The following SHTN1 variants were observed in gnomAD, a reference collection of about 807,000 sequenced individuals.
SHTN1 encodes the protein shootin 1, also known as shootin-1.
A neutral mutation model predicts 83.1 loss-of-function variants in SHTN1; 42 were observed. That is an observed-to-expected ratio of 0.51 (90% CI 0.39 to 0.65). The LOEUF is 0.65. SHTN1 is among the 30% of genes least tolerant of loss of function. The pLI, the probability that SHTN1 is intolerant of heterozygous loss-of-function variation, is 0.00. For synonymous variants in SHTN1, 224 were observed against 247.7 expected, an observed-to-expected ratio of 0.90 and a Z score of 0.90; for missense variants, 622 against 737.8, an observed-to-expected ratio of 0.84 and a Z score of 1.82.
intron 1 of SHTN1, among the ~76,000 whole-genome samples, chr10:117,097,351 A>T (rs976843619): frequency 2.6e-5 from 4 of 152,228 alleles, no homozygotes; most frequent in African/African-American, 9.6e-5. Flanking sequence ...TTTATAACTC[A>T]CAGTTTCTGA....
chr10:117,049,443 A>G (rs1589911308), intron 1 of SHTN1, among the ~76,000 whole-genome samples: 2 of 152,370 alleles, frequency 1.3e-5, no homozygotes, highest in Admixed American at 6.5e-5. Flanking sequence ...TAGAGTTTCT[A>G]TAACAAGGGA....
intron 1 of SHTN1, among the ~76,000 whole-genome samples, chr10:117,109,485 TGTTA>T (rs1254470563): frequency 2.6e-5 from 4 of 151,724 alleles, no homozygotes; most frequent in African/African-American, 9.7e-5. Context: ...GTTGGGAGAT[TGTTA>T]GTGATTTTTA....
At chr10:117,007,069 G>T (rs1447158207), upstream of SHTN1, among the ~76,000 whole-genome samples, 1 of 151,940 alleles carries the variant, frequency 6.6e-6, no homozygotes, top group Non-Finnish European at 1.5e-5. Flanking sequence ...TTTGATATGG[G>T]ATTGTATTAT....
At position 117,082,865 on chromosome 10, in the gene SHTN1, C is replaced by T. The variant is rs546217766; in HGVS notation, c.-188-34355G>A. Among the ~76,000 whole-genome samples, 14 of 151,328 alleles carry T rather than the reference C, an allele frequency of 9.3e-5. 1 individual carries two copies. In the South Asian group the frequency reaches 3.0e-3, roughly 32 times the overall value. On this transcript the variant is annotated intron_variant, in intron 1 of 17. Coordinates refer to the SHTN1 transcript ENST00000392901. ...CAGAGACTAGGATTGCAACCCCTGC[C>T]TTTTTTTGTTTTCCATTTGCTTGGT... is the stretch of plus-strand genomic sequence containing the variant.
intron 9 of SHTN1, among the ~76,000 whole-genome samples, chr10:116,937,347 G>C (rs1849211179): frequency 6.6e-6 from 1 of 152,190 alleles, no homozygotes; most frequent in Non-Finnish European, 1.5e-5. Flanking sequence ...ACTCTTAAAA[G>C]GCAGGGCTGG....
rs776916867 is a variant in SHTN1 at position 116,954,224 on chromosome 10, T to A, written c.268-14A>T. 2 of 1,546,174 alleles carry A rather than the reference T, an allele frequency of 1.3e-6. No homozygotes were observed. Among genetic ancestry groups the A allele is most frequent in the Non-Finnish European group, 1.8e-6 (2 of 1,139,644 alleles). ...TTCTTTATTTAGCTAAGACAAAATA[T>A]AAAAACAGTTATTTTAAAAGCAGCC... On this transcript the variant is annotated splice_polypyrimidine_tract_variant and intron_variant, in intron 4 of 16. Coordinates refer to ENST00000355371, the MANE Select transcript of SHTN1 (RefSeq NM_001127211.3).
intron 2 of SHTN1, among the ~76,000 whole-genome samples, chr10:117,048,091 A>G (rs1355977080): frequency 6.6e-6 from 1 of 152,160 alleles, no homozygotes; most frequent in African/African-American, 2.4e-5. Flanking sequence ...CGGTGAAAAG[A>G]GGGATCCATA....
chr10:117,090,943 T>G (rs1009400426), intron 1 of SHTN1, among the ~76,000 whole-genome samples: 9 of 152,186 alleles, frequency 5.9e-5, no homozygotes, highest in Non-Finnish European at 8.8e-5. Context: ...TTTAAAGGCT[T>G]CTGACCCTGT....
intron 1 of SHTN1, among the ~76,000 whole-genome samples, chr10:117,097,030 GACACAC>G (rs5788209): frequency 0.011 from 1,615 of 149,044 alleles, 20 homozygotes; most frequent in Middle Eastern, 0.021. Context: ...CACACACATA[GACACAC>G]ACACACACAC....
intron 1 of SHTN1, among the ~76,000 whole-genome samples, chr10:117,111,371 G>C (rs944865860): frequency 3.3e-5 from 5 of 151,656 alleles, no homozygotes; most frequent in Admixed American, 3.3e-4. Context: ...TCAGCTCACT[G>C]TAACCTCCGC....
intron 1 of SHTN1, among the ~76,000 whole-genome samples, chr10:116,987,941 G>A (rs1052928297): frequency 1.3e-5 from 2 of 151,388 alleles, no homozygotes; most frequent in African/African-American, 2.4e-5. Flanking sequence ...AAAAAAAACC[G>A]TGGGTGCCAA....
rs142016624 is a variant in SHTN1 at position 116,955,710 on chromosome 10, C to G, written c.268-1500G>C. ...ACCTAAAGTGGCATGGTCTGGAGCA[C>G]GAGAGGTTTGTCTGACCTCTTTGGA... On this transcript the variant is annotated intron_variant, in intron 4 of 16. Transcript: ENST00000355371. 1.4e-4 allele frequency among the ~76,000 whole-genome samples: 22 copies of G among 152,236 alleles called. No individual in the cohort carries two copies. The East Asian group carries it at 3.9e-3, about 27-fold the overall frequency.
intron 1 of SHTN1, among the ~76,000 whole-genome samples, chr10:117,093,631 A>C (rs1357763862): frequency 6.6e-6 from 1 of 152,194 alleles, no homozygotes; most frequent in African/African-American, 2.4e-5. Flanking sequence ...CCCAACCCCA[A>C]AGGCTACGGA....
intron 1 of SHTN1, among the ~76,000 whole-genome samples, chr10:117,077,006 T>G (rs1318609397): frequency 6.6e-6 from 1 of 152,218 alleles, no homozygotes; most frequent in East Asian, 1.9e-4. Flanking sequence ...GGACTTTCAC[T>G]GGTATATTTA....
At position 116,900,938 on chromosome 10, in the gene SHTN1, T is replaced by A. The variant is rs144968582; in HGVS notation, c.1673+827A>T. Reference sequence around the variant, plus strand: ...TTGGCAAAAATAGATCCAAATTGAATTCCAACTTCATTTGTCCAGGTTTCA... The same window carrying A: ...TTGGCAAAAATAGATCCAAATTGAAATCCAACTTCATTTGTCCAGGTTTCA... On this transcript the variant is annotated intron_variant, in intron 16 of 16. Coordinates refer to ENST00000355371, the MANE Select transcript of SHTN1 (RefSeq NM_001127211.3). 3,265 of 985,440 alleles carry A rather than the reference T, an allele frequency of 3.3e-3. 5 individuals are homozygous for A. Among genetic ancestry groups the A allele is most frequent in the Non-Finnish European group, 3.7e-3 (3,082 of 829,914 alleles). The allele number at this position is 985,440 out of a possible 1,614,324, so 61.0% of individuals were successfully genotyped here.
At chr10:116,936,418 C>T (rs529864925) in intron 9 of SHTN1, among the ~76,000 whole-genome samples, 1 of 152,240 alleles carries the variant, frequency 6.6e-6, no homozygotes, top group South Asian at 2.1e-4. Flanking sequence ...GCCTTAATTT[C>T]GTTATTTACT....
chr10:117,114,277 T>G (rs1853812215), intron 1 of SHTN1, among the ~76,000 whole-genome samples: 1 of 152,188 alleles, frequency 6.6e-6, no homozygotes, highest in African/African-American at 2.4e-5. Context: ...TAGAATATCA[T>G]TAATTTATTT....
intron 15 of SHTN1, among the ~76,000 whole-genome samples, chr10:116,905,518 T>G (rs960912611): frequency 3.7e-4 from 56 of 152,166 alleles, no homozygotes; most frequent in Non-Finnish European, 5.4e-4. Context: ...AAAATTTTCA[T>G]CTTCTTATAA....
chr10:116,997,208 T>C lies in SHTN1; in HGVS notation c.58+7814A>G, dbSNP rs1167291066. On this transcript the variant is annotated intron_variant, in intron 1 of 16. Transcript: ENST00000355371. ...TTACCCCAGGAGTTTCCCCATAAAC[T>C]CACCTTCCCACATTCTCCTGCCTTT... is the stretch of plus-strand genomic sequence containing the variant. Among the ~76,000 whole-genome samples, 4 of 152,200 alleles carry C rather than the reference T, an allele frequency of 2.6e-5. No individual in the cohort carries two copies. The East Asian group carries it at 7.7e-4, about 29-fold the overall frequency.
Sources: allele counts gnomAD v4.1 joint callset (sites outside exome capture counted in the v4.1 genomes callset), GRCh38; gene constraint gnomAD v4.1.1; transcripts MANE v1.5; gene names NCBI Gene and HGNC (gene_info 2026-07-23, HGNC 2026-07-21).